Variants in RCL1 observed in about 807,000 individuals in gnomAD.
RCL1 encodes RNA 3'-terminal phosphate cyclase-like protein.
RCL1 carries 24 observed loss-of-function variants against 42.4 expected under a neutral mutation model. The observed-to-expected ratio is 0.57, with a 90% CI of 0.41 to 0.80. The LOEUF is 0.80. RCL1 is among the 30% of genes least tolerant of loss of function. RCL1 has a pLI of 0.00. For synonymous variants in RCL1, 228 were observed against 177.3 expected (o/e 1.29, Z -2.27); for missense variants, 578 against 467.9 (o/e 1.24, Z -2.17).
At chr9:4,854,835 T>TC (rs1332629419) in intron 8 of RCL1, among the ~76,000 whole-genome samples, 1 of 151,982 alleles carries the variant, frequency 6.6e-6, no homozygotes, top group Non-Finnish European at 1.5e-5. Flanking sequence ...GGCGGGTAGA[T>TC]CACGAGGTCA....
At chr9:4,839,983 G>T (rs1411645949) in intron 5 of RCL1, 6 of 786,488 alleles carry the variant, frequency 7.6e-6, no homozygotes, top group Non-Finnish European at 9.2e-6. Flanking sequence ...GTTTGGATGG[G>T]TGGAAGGAGT....
At chr9:4,823,815 G>C (rs556479130) in intron 2 of RCL1, among the ~76,000 whole-genome samples, 196 bp downstream of exon 2, 2 of 151,702 alleles carry the variant, frequency 1.3e-5, no homozygotes, top group African/African-American at 4.8e-5. Context: ...TAGAATTTTG[G>C]GGGGACTTAT....
intron 1 of RCL1, among the ~76,000 whole-genome samples, chr9:4,817,395 A>G (rs537969573): frequency 6.7e-6 from 1 of 149,920 alleles, no homozygotes; most frequent in Non-Finnish European, 1.5e-5. Flanking sequence ...GTCCTATCTT[A>G]TTTCCTTTTA....
chr9:4,842,887 A>G (rs867522270), intron 6 of RCL1, among the ~76,000 whole-genome samples: 3 of 152,358 alleles, frequency 2.0e-5, no homozygotes, highest in East Asian at 3.9e-4. Context: ...GTGTCCTGGC[A>G]TGAAGCAGAG....
chr9:4,826,865 C>G lies in RCL1; in HGVS notation c.216C>G (p.Thr72=). 6.2e-7 allele frequency: 1 copy of G among 1,612,534 alleles called. No homozygotes were observed. The highest frequency in any genetic ancestry group is 8.5e-7 in the Non-Finnish European group (1 of 1,179,386). Residue 72 remains threonine, a synonymous_variant, in exon 3 of 9, where the codon ACC becomes ACG. Transcript: ENST00000381750. ...TTTTTCTTCTGGTTTAAGGAACAACCTTATATTATCAGCCTGGCCTCCTGT... is the reference window on the plus strand; with the variant it reads ...TTTTTCTTCTGGTTTAAGGAACAACGTTATATTATCAGCCTGGCCTCCTGT... ...SRIEINQTGT[T]LYYQPGLLYG... is the part of the protein sequence containing the mutation.
chr9:4,854,469 G>C (rs911457617), intron 8 of RCL1, among the ~76,000 whole-genome samples: 1 of 152,194 alleles, frequency 6.6e-6, no homozygotes, highest in Non-Finnish European at 1.5e-5. Context: ...CCCCAGCTCT[G>C]TCCCATATCC....
At chr9:4,852,088 A>G (rs1563859256) in intron 8 of RCL1, among the ~76,000 whole-genome samples, 1 of 152,016 alleles carries the variant, frequency 6.6e-6, no homozygotes, top group Non-Finnish European at 1.5e-5. Flanking sequence ...TCACCATGTT[A>G]GCCAGGATGG....
chr9:4,858,006 A>G (rs919011075), intron 8 of RCL1, among the ~76,000 whole-genome samples: 2 of 139,558 alleles, frequency 1.4e-5, no homozygotes, highest in African/African-American at 2.8e-5. Flanking sequence ...TCATAGCTCG[A>G]GTAGCTAGGA....
intron 8 of RCL1, among the ~76,000 whole-genome samples, chr9:4,852,222 A>G (rs188869712): frequency 3.0e-4 from 45 of 152,208 alleles, no homozygotes; most frequent in Non-Finnish European, 5.7e-4. Context: ...ATTTTTTTTC[A>G]GTAGAATAAA....
chr9:4,815,301 C>T (rs760957017), intron 1 of RCL1, among the ~76,000 whole-genome samples: 7 of 152,094 alleles, frequency 4.6e-5, no homozygotes, highest in Non-Finnish European at 7.4e-5. Context: ...ATTTCATTTT[C>T]ATTCTCATTT....
chr9:4,794,530 A>G (rs927990163), intron 1 of RCL1, among the ~76,000 whole-genome samples: 4 of 152,190 alleles, frequency 2.6e-5, no homozygotes, highest in African/African-American at 9.7e-5. Context: ...GCTGTGTGGC[A>G]TTCTCAGCCA....
chr9:4,810,694 G>T (rs1485068991), intron 1 of RCL1, among the ~76,000 whole-genome samples: 1 of 152,184 alleles, frequency 6.6e-6, no homozygotes, highest in Admixed American at 6.5e-5. Flanking sequence ...ATCGTAGGGT[G>T]TGCCTATGTT....
At chr9:4,857,876 A>G (rs1290149905) in intron 8 of RCL1, among the ~76,000 whole-genome samples, 1 of 147,822 alleles carries the variant, frequency 6.8e-6, no homozygotes, top group Non-Finnish European at 1.5e-5. Context: ...GATGTTGAGC[A>G]TCTTTTCATG....
chr9:4,840,915 A>G (rs1817295502), intron 5 of RCL1, among the ~76,000 whole-genome samples: 1 of 152,140 alleles, frequency 6.6e-6, no homozygotes, highest in Admixed American at 6.5e-5. Flanking sequence ...GCAGAGAGGC[A>G]GGTGTCTTTA....
At chr9:4,809,263 A>G (rs1378742008) in intron 1 of RCL1, among the ~76,000 whole-genome samples, 1 of 152,154 alleles carries the variant, frequency 6.6e-6, no homozygotes, top group African/African-American at 2.4e-5. Context: ...TTCTGTTTCC[A>G]TAGGTAGAGT....
At chr9:4,802,877 G>C (rs534324920) in intron 1 of RCL1, among the ~76,000 whole-genome samples, 8 of 152,194 alleles carry the variant, frequency 5.3e-5, no homozygotes, top group Non-Finnish European at 7.3e-5. Context: ...CTGGGGTGCA[G>C]AGGTGCGACC....
chr9:4,859,299 A>G (rs868212150), intron 8 of RCL1, among the ~76,000 whole-genome samples: 19 of 152,276 alleles, frequency 1.2e-4, no homozygotes, highest in African/African-American at 3.9e-4. Context: ...TCTGCCAAAT[A>G]TGTACAAATA....
At chr9:4,843,376 A>AT (rs112842210) in intron 6 of RCL1, among the ~76,000 whole-genome samples, 32,323 of 149,138 alleles carry the variant, frequency 0.22, 3,802 homozygotes, top group East Asian at 0.55. Context: ...TCTCACAGTA[A>AT]TTTTTTTTTT....
chr9:4,854,924 A>G (rs945884441), intron 8 of RCL1, among the ~76,000 whole-genome samples: 1 of 151,944 alleles, frequency 6.6e-6, no homozygotes, highest in African/African-American at 2.4e-5. Context: ...GTGGTGGCAC[A>G]TGTCTCTAAT....
Sources: allele counts gnomAD v4.1 joint callset (sites outside exome capture counted in the v4.1 genomes callset), GRCh38; gene constraint gnomAD v4.1.1; transcripts MANE v1.5; gene names NCBI Gene and HGNC (gene_info 2026-07-23, HGNC 2026-07-21).